Variants in EPAS1 observed in about 807,000 individuals in gnomAD.
EPAS1 encodes endothelial PAS domain-containing protein 1.
EPAS1 carries 23 observed loss-of-function variants against 87.9 expected under a neutral mutation model. The observed-to-expected ratio is 0.26, with a 90% confidence interval of 0.19 to 0.37. The LOEUF is 0.37. Ranked by LOEUF, EPAS1 falls within the 10% of genes least tolerant of loss-of-function variation. EPAS1 has a pLI of 1.00. For missense variants in EPAS1, 1,138 were observed against 1,120.7 expected, an observed-to-expected ratio of 1.02 and a Z score of -0.22; for synonymous variants, 508 against 444.3, an observed-to-expected ratio of 1.14 and a Z score of -1.80.
intron 1 of EPAS1, among the ~76,000 whole-genome samples, chr2:46,329,273 G>A (rs1298091203): frequency 6.6e-6 from 1 of 152,186 alleles, no homozygotes; most frequent in African/African-American, 2.4e-5. Context: ...CAGGGTAGGA[G>A]GCACCATTGC....
intron 14 of EPAS1, 117 bp from the exon 15 acceptor site, chr2:46,382,308 G>A (rs2103677632): frequency 1.2e-5 from 16 of 1,359,468 alleles, no homozygotes; most frequent in Non-Finnish European, 1.6e-5. Context: ...CCTGAAGGTT[G>A]GCTGTAGTTC....
Position 46,347,241 on chromosome 2 carries a change from T to C in EPAS1, c.217+178T>C. On this transcript the variant is annotated intron_variant, in intron 2 of 15. Coordinates refer to ENST00000263734, the MANE Select transcript of EPAS1 (RefSeq NM_001430.5). This position sits in a 1 kb window ranked among gnomAD's most constrained non-coding sequence, Gnocchi z 4.2. ...ATGTTAAACATCTCTCTTCCAGCAGTGACCTTTACCGTGAATCCAGCTGTG... is the reference window on the plus strand; with the variant it reads ...ATGTTAAACATCTCTCTTCCAGCAGCGACCTTTACCGTGAATCCAGCTGTG... 1.4e-6 allele frequency: 1 copy of C among 727,842 alleles called. No homozygotes were observed. 45.1% of individuals were successfully genotyped at this position (727,842 alleles called of 1,614,324 possible).
At chr2:46,340,129 C>A (rs1683882692) in intron 1 of EPAS1, among the ~76,000 whole-genome samples, 1 of 152,118 alleles carries the variant, frequency 6.6e-6, no homozygotes, top group Non-Finnish European at 1.5e-5. Flanking sequence ...CACGTGTCCT[C>A]CGGTTACGTA....
chr2:46,297,562 T>TA lies in EPAS1; in HGVS notation c.-350_-349insA. The TA allele has an allele frequency of 3.7e-6, 1 of 270,598 alleles. No homozygotes were observed. The highest frequency in any genetic ancestry group is 3.3e-5 in the South Asian group (1 of 30,088). 16.8% of individuals were successfully genotyped at this position (270,598 alleles called of 1,614,324 possible). A position where few individuals can be genotyped will look rare whatever the true frequency, so the allele number is the denominator to read the frequency against. ...TTCCGACTCCCAGCATTCGAGCCAC[T>TA]TTTTTTTTTCTTTGAAAACTCAGAA... On this transcript the variant is annotated 5_prime_UTR_variant, in exon 1 of 16. The change creates a premature stop within an existing upstream ORF in the 5' untranslated region. Coordinates refer to ENST00000263734, the MANE Select transcript of EPAS1 (RefSeq NM_001430.5).
chr2:46,383,796 C>T (rs981329534), intron 15 of EPAS1, among the ~76,000 whole-genome samples: 3 of 152,164 alleles, frequency 2.0e-5, no homozygotes, highest in Admixed American at 6.5e-5. Context: ...TCCACAGGAG[C>T]AGTCAAGCTG....
At chr2:46,324,052 G>A (rs1356087155) in intron 1 of EPAS1, among the ~76,000 whole-genome samples, 3 of 152,174 alleles carry the variant, frequency 2.0e-5, no homozygotes, top group Admixed American at 6.5e-5. Context: ...GCAAGGGCAG[G>A]GTGAATTATG....
At chr2:46,322,900 C>T (rs1034302860) in intron 1 of EPAS1, among the ~76,000 whole-genome samples, 43 of 152,354 alleles carry the variant, frequency 2.8e-4, no homozygotes, top group African/African-American at 9.9e-4. Context: ...ACACACTGCT[C>T]CTGACAGCCA....
intron 6 of EPAS1, among the ~76,000 whole-genome samples, chr2:46,364,973 A>G (rs1558603916): frequency 1.3e-5 from 2 of 152,224 alleles, no homozygotes; most frequent in Non-Finnish European, 2.9e-5. Flanking sequence ...ATGGTACAAA[A>G]TACAACATTC....
At chr2:46,372,520 T>C (rs1299010665) in intron 7 of EPAS1, among the ~76,000 whole-genome samples, 1 of 152,268 alleles carries the variant, frequency 6.6e-6, no homozygotes, top group Non-Finnish European at 1.5e-5. Flanking sequence ...AAAGCTGTAA[T>C]TTCCAAATGG....
At chr2:46,335,309 A>G (rs1683766715) in intron 1 of EPAS1, among the ~76,000 whole-genome samples, 1 of 152,218 alleles carries the variant, frequency 6.6e-6, no homozygotes, top group Non-Finnish European at 1.5e-5. Flanking sequence ...AGTGTCTGAA[A>G]TAAAGAAGAG....
chr2:46,374,404 C>T (rs1164129090), intron 7 of EPAS1, among the ~76,000 whole-genome samples: 1 of 152,144 alleles, frequency 6.6e-6, no homozygotes, highest in South Asian at 2.1e-4. Flanking sequence ...GGTGGCTTTT[C>T]CTATACAAAA....
At chr2:46,323,077 G>T (rs1160510651) in intron 1 of EPAS1, among the ~76,000 whole-genome samples, 1 of 152,168 alleles carries the variant, frequency 6.6e-6, no homozygotes, top group Admixed American at 6.5e-5. Flanking sequence ...TAGATTGCAG[G>T]CTGTGTGAAG....
intron 1 of EPAS1, among the ~76,000 whole-genome samples, chr2:46,337,116 C>T (rs1034582008): frequency 1.1e-4 from 16 of 152,172 alleles, no homozygotes; most frequent in Admixed American, 4.6e-4. Context: ...GGTTTTTATC[C>T]GATGTCTCCA....
At chr2:46,337,013 T>C (rs58764570) in intron 1 of EPAS1, among the ~76,000 whole-genome samples, 57 of 152,354 alleles carry the variant, frequency 3.7e-4, no homozygotes, top group African/African-American at 1.3e-3. Flanking sequence ...ATGGAAACCG[T>C]CTATTCTAAT....
At chr2:46,334,924 C>T (rs907299883) in intron 1 of EPAS1, among the ~76,000 whole-genome samples, 6 of 152,160 alleles carry the variant, frequency 3.9e-5, no homozygotes, top group African/African-American at 7.2e-5. Context: ...CAAGTGTTCG[C>T]GCTGTGGCAT....
At chr2:46,359,056 C>T (rs1179251346) in intron 4 of EPAS1, among the ~76,000 whole-genome samples, 6 of 151,800 alleles carry the variant, frequency 4.0e-5, no homozygotes, top group Admixed American at 6.6e-5. Flanking sequence ...ATCAAGAGAT[C>T]GAGACCATCC....
At chr2:46,384,159 G>A (rs943863797) in intron 15 of EPAS1, among the ~76,000 whole-genome samples, 1 of 152,208 alleles carries the variant, frequency 6.6e-6, no homozygotes, top group African/African-American at 2.4e-5. Context: ...TGTGTGTTCT[G>A]CATGTTCTGT....
In EPAS1 at chr2:46,346,892, A is replaced by T. The variant is rs1558596469; in HGVS notation, c.46A>T (p.Lys16Ter). Residue 16 changes from lysine to a stop codon, truncating the protein, a stop_gained, in exon 2 of 16, where the codon AAG (lysine) becomes TAG (stop). Transcript: ENST00000263734. LOFTEE classifies it high-confidence loss of function. This position sits in a 1 kb window ranked among gnomAD's most constrained non-coding sequence, Gnocchi z 4.0. ...ACTTAGGAGTAGCTCGGAGAGGAGG[A>T]AGGAGAAGTCCCGGGATGCTGCGCG... ...EKKRSSSERRKEKSRDAARCR... is the reference protein window; with the variant it reads ...EKKRSSSERR 6.2e-7 allele frequency: 1 copy of T among 1,614,154 alleles called. No homozygotes were observed. The highest frequency in any genetic ancestry group is 1.7e-5 in the Admixed American group (1 of 60,022).
intron 2 of EPAS1, among the ~76,000 whole-genome samples, chr2:46,352,135 C>T (rs1056726887): frequency 6.6e-6 from 1 of 152,148 alleles, no homozygotes; most frequent in Admixed American, 6.5e-5. Flanking sequence ...TGGGGTCAGA[C>T]CCTGAAGGGT....
Sources: allele counts gnomAD v4.1 joint callset (sites outside exome capture counted in the v4.1 genomes callset), GRCh38; gene constraint gnomAD v4.1.1; non-coding constraint Gnocchi (gnomAD v3.1); transcripts MANE v1.5; gene names NCBI Gene and HGNC (gene_info 2026-07-23, HGNC 2026-07-21).